The following MOB3B variants were observed in gnomAD, a reference collection of about 807,000 sequenced individuals.
MOB3B encodes MOB kinase activator 3B.
A neutral mutation model predicts 18.7 loss-of-function variants in MOB3B; 7 were observed. That is an observed-to-expected ratio of 0.37 (90% CI 0.21 to 0.70). The LOEUF is 0.70. MOB3B is among the 30% of genes least tolerant of loss of function. The pLI is 0.52. For missense variants in MOB3B, 253 were observed against 281.3 expected (o/e 0.90, Z 0.72); for synonymous variants, 111 against 99.9 (o/e 1.11, Z -0.66).
intron 2 of MOB3B, among the ~76,000 whole-genome samples, chr9:27,428,134 C>T (rs1414137094): frequency 1.3e-5 from 2 of 152,144 alleles, no homozygotes; most frequent in Non-Finnish European, 2.9e-5. Flanking sequence ...TCCATGCATT[C>T]AGCAGCTATT....
chr9:27,450,386 T>C (rs1206575889), intron 2 of MOB3B, among the ~76,000 whole-genome samples: 1 of 152,204 alleles, frequency 6.6e-6, no homozygotes, highest in African/African-American at 2.4e-5. Flanking sequence ...CAGGGAGTTA[T>C]GGGCCAGCAG....
intron 2 of MOB3B, among the ~76,000 whole-genome samples, chr9:27,396,062 G>A (rs1221904623): frequency 6.6e-6 from 1 of 152,098 alleles, no homozygotes; most frequent in Non-Finnish European, 1.5e-5. Flanking sequence ...AGGTAGGGGT[G>A]TGGGGGAGGG....
At chr9:27,524,454 G>C in intron 1 of MOB3B, 1 of 1,614,072 alleles carries the variant, frequency 6.2e-7, no homozygotes, top group Non-Finnish European at 8.5e-7. Flanking sequence ...CCTGAGAAGA[G>C]TCACCTGGCA....
At chr9:27,335,232 C>G (rs1820846398) in intron 3 of MOB3B, among the ~76,000 whole-genome samples, 1 of 152,200 alleles carries the variant, frequency 6.6e-6, no homozygotes, top group South Asian at 2.1e-4. Context: ...CGCCAAAAAG[C>G]AGTGACATCA....
intron 2 of MOB3B, among the ~76,000 whole-genome samples, chr9:27,424,580 G>C (rs1158616014): frequency 6.6e-6 from 1 of 152,130 alleles, no homozygotes; most frequent in African/African-American, 2.4e-5. Context: ...AGAACCACCG[G>C]GGGCCAATCA....
chr9:27,341,139 C>T (rs1397194667), intron 3 of MOB3B, among the ~76,000 whole-genome samples: 2 of 152,304 alleles, frequency 1.3e-5, no homozygotes, highest in East Asian at 1.9e-4. Context: ...AAGGCACTGG[C>T]CGGTGAAGCA....
intron 2 of MOB3B, among the ~76,000 whole-genome samples, chr9:27,402,953 C>T (rs1048292886): frequency 3.3e-5 from 5 of 152,186 alleles, no homozygotes; most frequent in Admixed American, 1.3e-4. Flanking sequence ...GGCTCATGCT[C>T]CTTAACACAA....
intron 1 of MOB3B, among the ~76,000 whole-genome samples, chr9:27,469,560 G>A (rs1038500528): frequency 1.3e-5 from 2 of 152,166 alleles, no homozygotes; most frequent in African/African-American, 4.8e-5. Context: ...TTGTACAGCA[G>A]GAAGAACTTC....
chr9:27,461,086 T>C (rs1302255730), intron 1 of MOB3B, among the ~76,000 whole-genome samples: 1 of 152,228 alleles, frequency 6.6e-6, no homozygotes, highest in Non-Finnish European at 1.5e-5. Flanking sequence ...TTATCTGAAA[T>C]TCCACCTCTT....
rs544287132 is a variant in MOB3B, at chr9:27,355,414, A to G, written c.621+3620T>C. 9.8e-5 allele frequency among the ~76,000 whole-genome samples: 15 copies of G among 152,316 alleles called. No individual in the cohort carries two copies. The East Asian group carries it at 1.9e-3, about 20-fold the overall frequency. On this transcript the variant is annotated intron_variant, in intron 3 of 3. Coordinates refer to ENST00000262244, the MANE Select transcript of MOB3B (RefSeq NM_024761.5). ...GCCCTTCTGGCCCCAGCTGCATTCA[A>G]TTCTAAAAAATGTACAACTAGAATG...
intron 1 of MOB3B, among the ~76,000 whole-genome samples, chr9:27,482,103 A>G (rs1216116949): frequency 6.6e-6 from 1 of 152,234 alleles, no homozygotes; most frequent in Non-Finnish European, 1.5e-5. Flanking sequence ...GTGGAATAAA[A>G]AAACAACTCT....
At chr9:27,340,055 C>G (rs571165546) in intron 3 of MOB3B, among the ~76,000 whole-genome samples, 1 of 152,304 alleles carries the variant, frequency 6.6e-6, no homozygotes. Context: ...ATGTGGGTGG[C>G]AAATAAGCCA....
intron 2 of MOB3B, among the ~76,000 whole-genome samples, chr9:27,444,238 G>GGGAGGGAAGGAAGGAAGGAAGGAAGGAA (rs1269907922): frequency 1.9e-5 from 2 of 107,910 alleles, no homozygotes; most frequent in African/African-American, 7.7e-5. Context: ...GAGGGAGGGA[G>GGGAGGGAAGGAAGGAAGGAAGGAAGGAA]GGAAGGAAGG....
intron 2 of MOB3B, among the ~76,000 whole-genome samples, chr9:27,383,069 T>G (rs988202906): frequency 2.0e-5 from 3 of 152,122 alleles, no homozygotes; most frequent in Admixed American, 1.3e-4. Flanking sequence ...AGACACTTAT[T>G]GTGTGGCAGC....
At chr9:27,422,955 T>C (rs1402211938) in intron 2 of MOB3B, among the ~76,000 whole-genome samples, 5 of 152,158 alleles carry the variant, frequency 3.3e-5, no homozygotes, top group Non-Finnish European at 7.3e-5. Flanking sequence ...CAATAGTCAA[T>C]CTGGAAAGAA....
At chr9:27,396,384 C>G (rs1280029040) in intron 2 of MOB3B, among the ~76,000 whole-genome samples, 2 of 152,142 alleles carry the variant, frequency 1.3e-5, no homozygotes, top group Non-Finnish European at 2.9e-5. Flanking sequence ...AATCGGTTAT[C>G]CCCAAGCCCA....
At chr9:27,337,769 G>A (rs1389942599) in intron 3 of MOB3B, among the ~76,000 whole-genome samples, 1 of 152,164 alleles carries the variant, frequency 6.6e-6, no homozygotes, top group Non-Finnish European at 1.5e-5. Flanking sequence ...CGCTATGAGA[G>A]GCATGGTGAT....
At chr9:27,474,764 C>T (rs1261738152) in intron 1 of MOB3B, among the ~76,000 whole-genome samples, 2 of 152,156 alleles carry the variant, frequency 1.3e-5, no homozygotes, top group Non-Finnish European at 2.9e-5. Context: ...ACTTTGAAAT[C>T]TAGAATGAAG....
intron 1 of MOB3B, among the ~76,000 whole-genome samples, chr9:27,510,313 T>C (rs147918359): frequency 5.6e-4 from 86 of 152,370 alleles, no homozygotes; most frequent in African/African-American, 1.9e-3. Flanking sequence ...TTGCTGCTTA[T>C]ATTACCTAAC....
Sources: gnomAD v4.1 joint callset for allele counts (sites outside exome capture counted in the v4.1 genomes callset) on GRCh38, gnomAD v4.1.1 for gene constraint, MANE v1.5 for transcripts, NCBI Gene and HGNC (gene_info 2026-07-23, HGNC 2026-07-21) for gene names.